SLC44A5: variants seen among roughly 807,000 people sequenced by gnomAD.
SLC44A5 encodes the protein choline transporter-like protein 5.
SLC44A5 carries 57 observed loss-of-function variants against 101.8 expected under a neutral mutation model. The ratio of observed to expected loss-of-function variants is 0.56; its 90% CI spans 0.45 to 0.70. The LOEUF (loss-of-function observed/expected upper bound fraction) is 0.70, where lower values mean the gene tolerates loss of function less well. Among genes scored for constraint, SLC44A5 ranks in the 30% least tolerant of loss-of-function variants. The pLI, the probability that SLC44A5 is intolerant of heterozygous loss-of-function variation, is 0.00. For missense variants in SLC44A5, 737 were observed against 853.1 expected, an observed-to-expected ratio of 0.86 and a Z score of 1.70; for synonymous variants, 281 against 290.9, an observed-to-expected ratio of 0.97 and a Z score of 0.35.
intron 4 of SLC44A5, among the ~76,000 whole-genome samples, chr1:75,325,810 C>T (rs1162593699): frequency 6.7e-6 from 1 of 148,890 alleles, no homozygotes; most frequent in African/African-American, 2.5e-5. Flanking sequence ...TGCTTGAGAC[C>T]ACAAGTGTTT....
At chr1:75,493,042 A>C (rs1668503179) in intron 2 of SLC44A5, among the ~76,000 whole-genome samples, 1 of 152,230 alleles carries the variant, frequency 6.6e-6, no homozygotes, top group African/African-American at 2.4e-5. Context: ...TGACCTCATC[A>C]TGTGAAGAGT....
rs377276647 is a variant in SLC44A5, at chr1:75,211,455, A to G, written c.2047+13T>C. 39 of 1,602,094 alleles carry G rather than the reference A, an allele frequency of 2.4e-5. No individual in the cohort carries two copies. The Middle Eastern group carries it at 5.0e-4, about 20-fold the overall frequency. On this transcript the variant is annotated intron_variant, in intron 23 of 23. Coordinates refer to ENST00000370859, the MANE Select transcript of SLC44A5 (RefSeq NM_001130058.2). ...TCCACCGAAGGGGGAAAACACACAT[A>G]CTGAATACTCACAGAAGCAGATGAA...
At chr1:75,286,798 A>C (rs760172806) in intron 5 of SLC44A5, among the ~76,000 whole-genome samples, 1 of 152,098 alleles carries the variant, frequency 6.6e-6, no homozygotes, top group Non-Finnish European at 1.5e-5. Flanking sequence ...TCTAGCTTGC[A>C]GGGTTTCTGC....
At chr1:75,681,514 T>G in the SLC44A5 span, among the ~76,000 whole-genome samples, 2 of 151,492 alleles carry the variant, frequency 1.3e-5, no homozygotes, top group Non-Finnish European at 2.9e-5. Flanking sequence ...AACCACATGA[T>G]TATCTCAATA....
chr1:75,296,616 C>A (rs1570602669), intron 5 of SLC44A5, among the ~76,000 whole-genome samples: 2 of 152,040 alleles, frequency 1.3e-5, no homozygotes, highest in East Asian at 3.9e-4. Flanking sequence ...AACAGTGACG[C>A]CAGACTTTTC....
At chr1:75,672,148 G>A in the SLC44A5 span, among the ~76,000 whole-genome samples, 1 of 152,080 alleles carries the variant, frequency 6.6e-6, no homozygotes, top group African/African-American at 2.4e-5. Context: ...CCAACAACTT[G>A]CAACAGTATC....
At chr1:75,482,254 ACT>A (rs1003014135) in intron 2 of SLC44A5, among the ~76,000 whole-genome samples, 3 of 136,584 alleles carry the variant, frequency 2.2e-5, no homozygotes, top group African/African-American at 5.5e-5. Flanking sequence ...GGAACATCAC[ACT>A]CTAGGGACTG....
chr1:75,496,612 A>AC (rs199692483), intron 2 of SLC44A5, among the ~76,000 whole-genome samples: 127 of 130,602 alleles, frequency 9.7e-4, no homozygotes, highest in African/African-American at 3.6e-3. Flanking sequence ...AACAACAACA[A>AC]AAAAAAAAAC....
the SLC44A5 span, among the ~76,000 whole-genome samples, chr1:75,699,737 C>A: frequency 6.6e-6 from 1 of 152,286 alleles, no homozygotes; most frequent in Non-Finnish European, 1.5e-5. Flanking sequence ...CAAGACCCAT[C>A]AGTGTGCTAT....
chr1:75,667,578 C>T, the SLC44A5 span, among the ~76,000 whole-genome samples: 1 of 152,164 alleles, frequency 6.6e-6, no homozygotes, highest in Non-Finnish European at 1.5e-5. Flanking sequence ...GAAAAAAATA[C>T]TTTAAACTTC....
the SLC44A5 span, among the ~76,000 whole-genome samples, chr1:75,668,829 T>C: frequency 2.0e-5 from 3 of 151,262 alleles, no homozygotes; most frequent in African/African-American, 7.4e-5. Flanking sequence ...ACCCCATCTC[T>C]ATTAAAAATA....
intron 4 of SLC44A5, among the ~76,000 whole-genome samples, chr1:75,316,930 G>A (rs1655736697): frequency 6.6e-6 from 1 of 152,156 alleles, no homozygotes; most frequent in Admixed American, 6.5e-5. Flanking sequence ...CAAAATCCCA[G>A]AAGGCAGCAA....
intron 1 of SLC44A5, among the ~76,000 whole-genome samples, chr1:75,607,900 C>A (rs928943085): frequency 6.6e-6 from 1 of 151,972 alleles, no homozygotes; most frequent in African/African-American, 2.4e-5. Flanking sequence ...AGCATGAAAA[C>A]AAACTAATAC....
intron 3 of SLC44A5, among the ~76,000 whole-genome samples, chr1:75,378,275 G>A (rs1313520630): frequency 1.4e-5 from 1 of 69,714 alleles, no homozygotes; most frequent in Non-Finnish European, 2.4e-5. Flanking sequence ...AAAAAGAGGG[G>A]GAGTTAAAGT....
intron 5 of SLC44A5, among the ~76,000 whole-genome samples, chr1:75,297,665 T>A (rs1414760588): frequency 1.3e-5 from 2 of 152,242 alleles, no homozygotes; most frequent in African/African-American, 4.8e-5. Flanking sequence ...TAGGAAAGAA[T>A]AATTTGCATA....
chr1:75,355,495 TTAATGTGAGAAAG>T (rs1658998724), intron 3 of SLC44A5, among the ~76,000 whole-genome samples: 1 of 152,210 alleles, frequency 6.6e-6, no homozygotes, highest in African/African-American at 2.4e-5. Context: ...GATATTTCCA[TTAATGTGAGAAAG>T]TACTGTGATT....
intron 2 of SLC44A5, among the ~76,000 whole-genome samples, chr1:75,434,543 C>T (rs1664781323): frequency 6.6e-6 from 1 of 152,072 alleles, no homozygotes; most frequent in African/African-American, 2.4e-5. Flanking sequence ...TCCTAAAATA[C>T]AAATCTGTTC....
chr1:75,654,173 T>G, the SLC44A5 span, among the ~76,000 whole-genome samples: 2 of 152,192 alleles, frequency 1.3e-5, no homozygotes, highest in Admixed American at 6.5e-5. Context: ...TTTCTCCACA[T>G]GAGGAATACA....
At chr1:75,286,480 A>G (rs191297077) in intron 5 of SLC44A5, among the ~76,000 whole-genome samples, 8 of 152,282 alleles carry the variant, frequency 5.3e-5, no homozygotes, top group South Asian at 2.1e-4. Flanking sequence ...CAATGTTAGT[A>G]TTGAAAAGTG....
Sources: allele counts gnomAD v4.1 joint callset (sites outside exome capture counted in the v4.1 genomes callset), GRCh38; gene constraint gnomAD v4.1.1; transcripts MANE v1.5; gene names NCBI Gene and HGNC (gene_info 2026-07-23, HGNC 2026-07-21).